GRIK4: variants seen among roughly 807,000 people sequenced by gnomAD.
The protein encoded by GRIK4 is glutamate receptor ionotropic, kainate 4.
Under a neutral mutation model 104.9 loss-of-function variants are expected in GRIK4, and 40 were observed. That is an observed-to-expected ratio of 0.38 (90% CI 0.30 to 0.50). The LOEUF is 0.50. Ranked by LOEUF, GRIK4 falls within the 20% of genes least tolerant of loss-of-function variation. GRIK4 has a pLI of 0.93. For synonymous variants in GRIK4, 485 were observed against 524.9 expected (o/e 0.92, Z 1.04); for missense variants, 1,047 against 1,308.1 (o/e 0.80, Z 3.08).
chr11:120,862,944 C>G (rs2135636761), intron 9 of GRIK4, among the ~76,000 whole-genome samples: 1 of 152,346 alleles, frequency 6.6e-6, no homozygotes, highest in Non-Finnish European at 1.5e-5. Context: ...GAGGCAGCTA[C>G]TATCAGTATC....
chr11:120,576,261 G>A (rs969168734), intron 1 of GRIK4: 1 of 152,170 alleles, frequency 6.6e-6, no homozygotes, highest in Non-Finnish European at 1.5e-5. Context: ...ATTATTTCAG[G>A]GAGATTGTTG....
At chr11:120,545,584 G>C (rs973580034) in intron 1 of GRIK4, among the ~76,000 whole-genome samples, 15 of 152,196 alleles carry the variant, frequency 9.9e-5, no homozygotes, top group Admixed American at 9.8e-4. Context: ...AAGTAACTTG[G>C]CAGAGGTCAC....
chr11:120,970,290 C>T (rs1944453857), intron 19 of GRIK4, among the ~76,000 whole-genome samples: 1 of 152,160 alleles, frequency 6.6e-6, no homozygotes, highest in South Asian at 2.1e-4. Context: ...GCTGGAGCCA[C>T]ACAGGAGTGG....
intron 4 of GRIK4, among the ~76,000 whole-genome samples, chr11:120,804,020 C>T (rs1222555736): frequency 6.6e-6 from 1 of 152,184 alleles, no homozygotes; most frequent in Non-Finnish European, 1.5e-5. Flanking sequence ...TCCCTACAGT[C>T]CTCCGGCCTG....
At chr11:120,538,883 G>A (rs1042744965) in intron 1 of GRIK4, among the ~76,000 whole-genome samples, 19 of 152,252 alleles carry the variant, frequency 1.2e-4, no homozygotes, top group African/African-American at 3.4e-4. Flanking sequence ...CCCAAGGGAA[G>A]TGCCAGAGAG....
intron 1 of GRIK4, among the ~76,000 whole-genome samples, chr11:120,521,133 G>A (rs190731235): frequency 3.9e-5 from 6 of 152,126 alleles, no homozygotes; most frequent in African/African-American, 1.4e-4. Context: ...TCACCCAGGC[G>A]AGAGTGCAGT....
intron 3 of GRIK4, among the ~76,000 whole-genome samples, chr11:120,754,185 C>T (rs1455983262): frequency 9.2e-5 from 14 of 152,088 alleles, no homozygotes; most frequent in Non-Finnish European, 2.9e-5. Context: ...CGCCCGCCAC[C>T]GTGCCAAGCT....
At position 120,790,106 on chromosome 11, in the gene GRIK4, G is replaced by A. The variant is rs187236634; in HGVS notation, c.83-12587G>A. 9.9e-5 allele frequency among the ~76,000 whole-genome samples: 15 copies of A among 152,250 alleles called. 1 individual carries two copies. The highest frequency in any genetic ancestry group is 2.1e-4 in the Non-Finnish European group (14 of 68,026). The stretch of plus-strand genomic sequence containing the variant: ...ACAGCTGGTTCATGGTGGGAGCATC[G>A]TAAGATTTTGTCATATCACTTACCG... On this transcript the variant is annotated intron_variant, in intron 3 of 20. Transcript: ENST00000527524.
At chr11:120,835,223 G>A (rs990136233) in intron 7 of GRIK4, among the ~76,000 whole-genome samples, 3 of 152,156 alleles carry the variant, frequency 2.0e-5, no homozygotes, top group African/African-American at 7.2e-5. Flanking sequence ...GCCTGCAAGT[G>A]TTCCTATAAG....
At chr11:120,602,479 C>T (rs1466314628) in intron 1 of GRIK4, among the ~76,000 whole-genome samples, 4 of 152,154 alleles carry the variant, frequency 2.6e-5, no homozygotes, top group Admixed American at 6.5e-5. Flanking sequence ...GAAATTCCCT[C>T]AGGCTCACCT....
At chr11:120,716,309 T>A (rs1267120496) in intron 3 of GRIK4, among the ~76,000 whole-genome samples, 2 of 152,148 alleles carry the variant, frequency 1.3e-5, no homozygotes, top group Non-Finnish European at 2.9e-5. Context: ...AGTGGCCTGA[T>A]CTCAGCTCCC....
At chr11:120,854,600 G>A (rs1366769399) in intron 8 of GRIK4, among the ~76,000 whole-genome samples, 1 of 152,190 alleles carries the variant, frequency 6.6e-6, no homozygotes, top group Non-Finnish European at 1.5e-5. Context: ...CTTCAGGAAG[G>A]CCTCCGCACA....
At chr11:120,733,567 AC>A in intron 3 of GRIK4, among the ~76,000 whole-genome samples, 1 of 88,702 alleles carries the variant, frequency 1.1e-5, no homozygotes, top group East Asian at 2.3e-4. Context: ...ATTGATGACA[AC>A]ACTGAATGCA....
chr11:120,894,124 C>T (rs1259264439), intron 11 of GRIK4, among the ~76,000 whole-genome samples: 1 of 152,220 alleles, frequency 6.6e-6, no homozygotes, highest in Non-Finnish European at 1.5e-5. Context: ...TAGTGTGAAG[C>T]CTTTCACAGA....
rs1159347819 is a variant in GRIK4 at position 120,903,028 on chromosome 11, C to G, written c.1273-2262C>G. ...CCACATCCTGCTCTCCCTCACAGTC[C>G]CTCCATGACCTTGTGTCTGTCTGGC... is the stretch of plus-strand genomic sequence containing the variant. On this transcript the variant is annotated intron_variant, in intron 12 of 20. Coordinates refer to ENST00000527524, the MANE Select transcript of GRIK4 (RefSeq NM_014619.5). This position sits in a 1 kb window ranked among gnomAD's most constrained non-coding sequence, Gnocchi z 4.4. 6.6e-6 allele frequency among the ~76,000 whole-genome samples: 1 copy of G among 152,136 alleles called. No individual in the cohort carries two copies. The highest frequency in any genetic ancestry group is 2.4e-5 in the African/African-American group (1 of 41,416).
chr11:120,786,549 C>T (rs760815292), intron 3 of GRIK4, among the ~76,000 whole-genome samples: 2 of 152,220 alleles, frequency 1.3e-5, no homozygotes. Flanking sequence ...CACCTGATCA[C>T]CTCCTACTCT....
chr11:120,606,853 C>T (rs1318431269), intron 1 of GRIK4, among the ~76,000 whole-genome samples: 1 of 152,130 alleles, frequency 6.6e-6, no homozygotes, highest in African/African-American at 2.4e-5. Context: ...CCAGTCAGGG[C>T]GTGCTGCTGG....
chr11:120,526,940 G>A (rs1947863969), intron 1 of GRIK4, among the ~76,000 whole-genome samples: 1 of 152,278 alleles, frequency 6.6e-6, no homozygotes, highest in Non-Finnish European at 1.5e-5. Flanking sequence ...GTGTCCAAGA[G>A]GAAACCTGGA....
intron 11 of GRIK4, among the ~76,000 whole-genome samples, chr11:120,884,431 C>T (rs561921879): frequency 1.3e-5 from 2 of 152,326 alleles, no homozygotes; most frequent in South Asian, 4.1e-4. Flanking sequence ...ACGCCCAGGG[C>T]CAGGTCACTC....
Sources: allele counts gnomAD v4.1 joint callset (sites outside exome capture counted in the v4.1 genomes callset), GRCh38; gene constraint gnomAD v4.1.1; non-coding constraint Gnocchi (gnomAD v3.1); transcripts MANE v1.5; gene names NCBI Gene and HGNC (gene_info 2026-07-23, HGNC 2026-07-21).